Variants in VPS35L observed in about 807,000 individuals in gnomAD.
VPS35L encodes VPS35 endosomal protein-sorting factor-like.
VPS35L carries 83 observed loss-of-function variants against 133.0 expected under a neutral mutation model. The observed-to-expected ratio is 0.62, with a 90% CI of 0.52 to 0.75. The LOEUF (loss-of-function observed/expected upper bound fraction) is 0.75. VPS35L is among the 30% of genes least tolerant of loss of function. The probability of loss-of-function intolerance (pLI) is 0.00; values close to 1 mark genes in which losing one functional copy is unlikely to be tolerated. For synonymous variants in VPS35L, 423 were observed against 449.9 expected, an observed-to-expected ratio of 0.94 and a Z score of 0.76; for missense variants, 1,083 against 1,206.8, an observed-to-expected ratio of 0.90 and a Z score of 1.52.
chr16:19,608,280 C>CT lies in VPS35L; in HGVS notation c.881+20dup, dbSNP rs11291600. The CT allele has an allele frequency of 0.059, 80,487 of 1,358,988 alleles. 1,283 individuals are homozygous for CT. The highest frequency in any genetic ancestry group is 0.23 in the African/African-American group (15,054 of 66,208). The allele number at this position is 1,358,988 out of a possible 1,614,324, so 84.2% of individuals were successfully genotyped here. A position where few individuals can be genotyped will look rare whatever the true frequency, so the allele number is the denominator to read the frequency against. On this transcript the variant is annotated splice_region_variant and intron_variant, in intron 10 of 30. Coordinates refer to ENST00000417362, the MANE Select transcript of VPS35L (RefSeq NM_020314.7). ...AGGGAACTCATTCCAAGATTGTATC[C>CT]TTTTTTTTTTTTTTGGTCTGATGAT... is the stretch of plus-strand genomic sequence containing the variant.
chr16:19,634,986 G>A (rs1277108363), intron 19 of VPS35L, among the ~76,000 whole-genome samples: 3 of 152,180 alleles, frequency 2.0e-5, no homozygotes, highest in Non-Finnish European at 2.9e-5. Flanking sequence ...CATTTCAGTT[G>A]AGAATGCACA....
rs1369226206 is a variant in VPS35L at position 19,610,403 on chromosome 16, C to A, written c.1011C>A (p.Ala337=). The A allele has an allele frequency of 6.2e-7, 1 of 1,613,926 alleles. No homozygotes were observed. ...GDPLVSVYAR[A]YLCRVGMEVA... ...CACTAGTGTCGGTGTATGCCCGTGCCTACCTGTGCCGGGTAGGCCATGCGA... is the reference window on the plus strand; with the variant it reads ...CACTAGTGTCGGTGTATGCCCGTGCATACCTGTGCCGGGTAGGCCATGCGA... Residue 337 remains alanine (A), a synonymous_variant, in exon 12 of 31, where the codon GCC becomes GCA. Transcript: ENST00000417362.
rs190560296 is a variant in VPS35L, at chr16:19,656,354, G to A, written c.2221+4264G>A. ...GGTGGGTCTTAAAAGAAGAACATGTGTTTATGAGAACATGGGAAGGGAAGA... is the reference window on the plus strand; with the variant it reads ...GGTGGGTCTTAAAAGAAGAACATGTATTTATGAGAACATGGGAAGGGAAGA... On this transcript the variant is annotated intron_variant, in intron 26 of 30. Transcript: ENST00000417362. Among the ~76,000 whole-genome samples the A allele has an allele frequency of 5.1e-4, 77 of 151,628 alleles. 3 individuals carry two copies. The highest frequency in any genetic ancestry group is 4.1e-3 in the Admixed American group (63 of 15,242).
chr16:19,674,757 G>A (rs1394952607), intron 27 of VPS35L, among the ~76,000 whole-genome samples: 1 of 151,764 alleles, frequency 6.6e-6, no homozygotes, highest in African/African-American at 2.4e-5. Flanking sequence ...TCTACTCTCT[G>A]ATTCTATGAA....
At chr16:19,605,982 A>C (rs760092055) in intron 9 of VPS35L, among the ~76,000 whole-genome samples, 6 of 152,222 alleles carry the variant, frequency 3.9e-5, no homozygotes, top group Non-Finnish European at 7.3e-5. Flanking sequence ...GAAGTAAAGG[A>C]ATATAATATT....
intron 9 of VPS35L, 200 bp from the exon 10 acceptor site, chr16:19,607,978 G>A (rs921330023): frequency 7.1e-5 from 40 of 567,358 alleles, no homozygotes; most frequent in African/African-American, 3.9e-4. Context: ...AAAGCACTGC[G>A]AACGACACTT....
chr16:19,652,112 C>T (rs2151588172), intron 26 of VPS35L, 22 bp downstream of exon 26: 1 of 1,483,552 alleles, frequency 6.7e-7, no homozygotes, highest in Middle Eastern at 1.7e-4. Flanking sequence ...ATTCTCTCAT[C>T]TCGGGCACTC....
chr16:19,594,644 CAAAAAAAAA>C lies in VPS35L; in HGVS notation c.724+2789_724+2797del, dbSNP rs57187565. On this transcript the variant is annotated intron_variant, in intron 8 of 30. Transcript: ENST00000417362. ...GTGCCACAGAGCTGAGATTTCGTCT[CAAAAAAAAA>C]AAAAAAAAAAAAAAAAAAGAAGAGA... is the stretch of plus-strand genomic sequence containing the variant. Among the ~76,000 whole-genome samples, 10 of 31,494 alleles carry C rather than the reference CAAAAAAAAA, an allele frequency of 3.2e-4. No homozygotes were observed. The East Asian group carries it at 4.1e-3, about 13-fold the overall frequency. 20.7% of individuals were successfully genotyped at this position (31,494 alleles called of 152,430 possible).
intron 1 of VPS35L, among the ~76,000 whole-genome samples, chr16:19,563,018 A>G (rs558265950): frequency 1.3e-5 from 2 of 151,922 alleles, no homozygotes; most frequent in South Asian, 4.2e-4. Flanking sequence ...ACCCATCTGT[A>G]CCTCCCAAAG....
chr16:19,597,388 AAGG>A (rs1972251139), intron 8 of VPS35L, among the ~76,000 whole-genome samples: 4 of 151,846 alleles, frequency 2.6e-5, no homozygotes, highest in African/African-American at 9.7e-5. Flanking sequence ...AAAAAAAAGA[AAGG>A]AGGAAAATGT....
Position 19,633,638 on chromosome 16 carries a change from A to T in VPS35L, c.1635+466A>T, listed in dbSNP as rs1168586726. Among the ~76,000 whole-genome samples the T allele has an allele frequency of 6.6e-6, 1 of 151,994 alleles. No homozygotes were observed. The highest frequency in any genetic ancestry group is 1.5e-5 in the Non-Finnish European group (1 of 68,000). ...CTTAAGCATAATTTTTTTATGTGGA[A>T]ATAAATTTAAGCTTATTGGAAAGTT... On this transcript the variant is annotated intron_variant, in intron 19 of 30. Coordinates refer to ENST00000417362, the MANE Select transcript of VPS35L (RefSeq NM_020314.7). This position sits in a 1 kb window ranked among gnomAD's most constrained non-coding sequence, Gnocchi z 4.1.
At chr16:19,586,135 A>T (rs540078702) in intron 7 of VPS35L, among the ~76,000 whole-genome samples, 2 of 152,274 alleles carry the variant, frequency 1.3e-5, no homozygotes, top group African/African-American at 4.8e-5. Flanking sequence ...CCTGTGCTCA[A>T]GCGATCCTTT....
At position 19,691,687 on chromosome 16, in the gene VPS35L, G is replaced by A. The variant is rs148183907; in HGVS notation, c.2646+216G>A. ...GGGCTTCCCCTGGCTGTTCCTTCTC[G>A]TCATTGAAATCTCAGCTCAAAGGAC... On this transcript the variant is annotated intron_variant, in intron 29 of 30. Coordinates refer to ENST00000417362, the MANE Select transcript of VPS35L (RefSeq NM_020314.7). 2.1e-3 allele frequency among the ~76,000 whole-genome samples: 326 copies of A among 152,146 alleles called. 1 individual carries two copies. The highest frequency in any genetic ancestry group is 7.3e-3 in the African/African-American group (305 of 41,518).
intron 29 of VPS35L, among the ~76,000 whole-genome samples, 185 bp downstream of exon 29, chr16:19,691,656 C>A (rs1975692852): frequency 6.6e-6 from 1 of 152,158 alleles, no homozygotes; most frequent in Non-Finnish European, 1.5e-5. Context: ...GACTGCGCCT[C>A]CCCCAGGGCT....
chr16:19,638,496 G>A (rs569039585), intron 20 of VPS35L, among the ~76,000 whole-genome samples: 8 of 152,206 alleles, frequency 5.3e-5, no homozygotes, highest in African/African-American at 1.9e-4. Flanking sequence ...ACATACCTAC[G>A]GTAAAGTTTC....
chr16:19,629,970 G>A (rs932444373), intron 18 of VPS35L, 150 bp downstream of exon 18: 7 of 688,590 alleles, frequency 1.0e-5, no homozygotes, highest in East Asian at 8.2e-5. Flanking sequence ...AAAGCGTGAT[G>A]GAGCATTAAT....
chr16:19,625,723 G>C (rs773768928), intron 14 of VPS35L, among the ~76,000 whole-genome samples: 2 of 152,116 alleles, frequency 1.3e-5, no homozygotes, highest in Non-Finnish European at 2.9e-5. Context: ...TCCCAGGCTG[G>C]AGTGCAGTGG....
At chr16:19,596,418 G>A (rs8044456) in intron 8 of VPS35L, among the ~76,000 whole-genome samples, 1,897 of 151,792 alleles carry the variant, frequency 0.012, 46 homozygotes, top group African/African-American at 0.042. Context: ...GGGACCACAG[G>A]TGTGTGCCAC....
chr16:19,597,700 A>C (rs983777252), intron 8 of VPS35L, among the ~76,000 whole-genome samples: 1 of 152,180 alleles, frequency 6.6e-6, no homozygotes, highest in African/African-American at 2.4e-5. Context: ...GTTTAAGTCT[A>C]TTGTGAATAA....
Sources: allele counts gnomAD v4.1 joint callset (sites outside exome capture counted in the v4.1 genomes callset), GRCh38; gene constraint gnomAD v4.1.1; non-coding constraint Gnocchi (gnomAD v3.1); transcripts MANE v1.5; gene names NCBI Gene and HGNC (gene_info 2026-07-23, HGNC 2026-07-21).